The following IL1RAPL2 variants were observed in gnomAD, a reference collection of about 807,000 sequenced individuals.
The protein encoded by IL1RAPL2 is X-linked interleukin-1 receptor accessory protein-like 2.
IL1RAPL2 carries 3 observed loss-of-function variants against 44.1 expected under a neutral mutation model. The observed-to-expected ratio is 0.07, with a 90% confidence interval of 0.03 to 0.18. The LOEUF (loss-of-function observed/expected upper bound fraction) is 0.18, where lower values mean the gene tolerates loss of function less well. Among genes scored for constraint, IL1RAPL2 ranks in the 10% least tolerant of loss-of-function variants. The pLI, the probability that IL1RAPL2 is intolerant of heterozygous loss-of-function variation, is 1.00. For missense variants in IL1RAPL2, 391 were observed against 496.4 expected, an observed-to-expected ratio of 0.79 and a Z score of 2.02; for synonymous variants, 181 against 178.8, an observed-to-expected ratio of 1.01 and a Z score of -0.10.
chrX:104,596,854 A>AT (rs758787111), intron 1 of IL1RAPL2, among the ~76,000 whole-genome samples: 7 of 111,553 alleles, frequency 6.3e-5, no homozygotes, highest in Non-Finnish European at 1.3e-4. Context: ...ACAGGCTAGT[A>AT]TTAGAAAACA....
chrX:105,606,742 C>T (rs761080605), intron 6 of IL1RAPL2, among the ~76,000 whole-genome samples: 2 of 111,286 alleles, frequency 1.8e-5, no homozygotes, highest in South Asian at 3.7e-4. Flanking sequence ...TTGTCATTTG[C>T]GGCTACATGG....
At chrX:104,815,444 A>G (rs1255317068) in intron 2 of IL1RAPL2, among the ~76,000 whole-genome samples, 1 of 111,356 alleles carries the variant, frequency 9.0e-6, no homozygotes, top group Non-Finnish European at 1.9e-5. Context: ...CTAACTCTGG[A>G]CAAACTCTGG....
At chrX:105,555,564 C>T (rs1276647437) in intron 6 of IL1RAPL2, among the ~76,000 whole-genome samples, 1 of 111,827 alleles carries the variant, frequency 8.9e-6, no homozygotes, top group Non-Finnish European at 1.9e-5. Context: ...GAGTTGGCTT[C>T]CCCCTATGTC....
Position 104,943,088 on chromosome X carries a change from C to T in IL1RAPL2, c.83-252387C>T, listed in dbSNP as rs761120811. 5.4e-5 allele frequency among the ~76,000 whole-genome samples: 6 copies of T among 111,182 alleles called. No individual in the cohort carries two copies. In the South Asian group the frequency reaches 1.9e-3, roughly 36 times the overall value. ...AAGCTTTTTGATGTGCTGCTGGATT[C>T]GGTTTGCCAGTATTTTATTGAGGAT... On this transcript the variant is annotated intron_variant, in intron 2 of 10. Coordinates refer to ENST00000372582, the MANE Select transcript of IL1RAPL2 (RefSeq NM_017416.2).
intron 2 of IL1RAPL2, among the ~76,000 whole-genome samples, chrX:104,747,361 C>T (rs1049262876): frequency 4.5e-5 from 5 of 111,219 alleles, no homozygotes; most frequent in Non-Finnish European, 9.4e-5. Flanking sequence ...TTGCTTTCCT[C>T]TTTCCTTCAA....
intron 2 of IL1RAPL2, among the ~76,000 whole-genome samples, chrX:104,989,076 A>C (rs2030613256): frequency 8.9e-6 from 1 of 111,776 alleles, no homozygotes; most frequent in Admixed American, 9.5e-5. Flanking sequence ...GCCTGGGGTA[A>C]CCTTTGAGAA....
chrX:105,315,411 T>C (rs1038753622), intron 5 of IL1RAPL2, among the ~76,000 whole-genome samples: 6 of 104,465 alleles, frequency 5.7e-5, no homozygotes, highest in Non-Finnish European at 1.2e-4. Context: ...AGTCACATAA[T>C]TTAGAATTAA....
At chrX:105,308,012 C>A (rs2034764861) in intron 5 of IL1RAPL2, among the ~76,000 whole-genome samples, 1 of 110,055 alleles carries the variant, frequency 9.1e-6, no homozygotes, top group African/African-American at 3.3e-5. Context: ...AGGATCTGGG[C>A]ACTAGATGTC....
chrX:104,791,875 A>G (rs985227816), intron 2 of IL1RAPL2, among the ~76,000 whole-genome samples: 19 of 110,860 alleles, frequency 1.7e-4, no homozygotes, highest in African/African-American at 5.3e-4. Context: ...TTCCTAACTG[A>G]TTTGACTTTG....
rs762391908 is a variant in IL1RAPL2, at chrX:105,267,552, G to A, written c.697+11G>A. On this transcript the variant is annotated intron_variant, in intron 5 of 10. Transcript: ENST00000372582. ...AATTGAAAGTTACAGGTAGGAATCA[G>A]TTCTACAAAATTACGGCAAATGAGA... The A allele has an allele frequency of 8.7e-7, 1 of 1,152,194 alleles. No homozygotes were observed. The highest frequency in any genetic ancestry group is 1.2e-6 in the Non-Finnish European group (1 of 861,122). The allele number at this position is 1,152,194 out of a possible 1,213,427, so 95.0% of individuals were successfully genotyped here. A position where few individuals can be genotyped will look rare whatever the true frequency, so the allele number is the denominator to read the frequency against.
At chrX:105,012,643 T>TCA (rs1191223168) in intron 2 of IL1RAPL2, among the ~76,000 whole-genome samples, 1 of 61,333 alleles carries the variant, frequency 1.6e-5, no homozygotes, top group East Asian at 6.9e-4. Flanking sequence ...TCTCTCTCTC[T>TCA]CTCACACACA....
At chrX:105,064,601 G>C (rs1282969264) in intron 2 of IL1RAPL2, among the ~76,000 whole-genome samples, 3 of 112,104 alleles carry the variant, frequency 2.7e-5, no homozygotes, top group Non-Finnish European at 3.8e-5. Context: ...CAACATAGTT[G>C]ATTAACACAT....
At chrX:104,919,631 A>G (rs1197496482) in intron 2 of IL1RAPL2, among the ~76,000 whole-genome samples, 3 of 105,713 alleles carry the variant, frequency 2.8e-5, no homozygotes, top group Middle Eastern at 5.1e-3. Context: ...CCTGGGTTCA[A>G]GTGATTCTCC....
intron 3 of IL1RAPL2, among the ~76,000 whole-genome samples, chrX:105,233,055 G>A (rs1053563792): frequency 1.8e-5 from 2 of 111,858 alleles, no homozygotes; most frequent in African/African-American, 6.5e-5. Flanking sequence ...AGGCCGAGGC[G>A]GGCGGATCAC....
chrX:105,522,327 A>G (rs2036565402), intron 6 of IL1RAPL2, among the ~76,000 whole-genome samples: 1 of 112,643 alleles, frequency 8.9e-6, no homozygotes, highest in African/African-American at 3.2e-5. Flanking sequence ...TTTAGTTATC[A>G]GAATGAATTT....
intron 4 of IL1RAPL2, among the ~76,000 whole-genome samples, chrX:105,244,138 A>G (rs1446602113): frequency 1.1e-4 from 12 of 111,083 alleles, no homozygotes; most frequent in African/African-American, 2.9e-4. Context: ...TGCGATTTCA[A>G]TAAGACTTTG....
chrX:104,779,654 C>A (rs1932759911), intron 2 of IL1RAPL2, among the ~76,000 whole-genome samples: 1 of 111,791 alleles, frequency 8.9e-6, no homozygotes. Context: ...TTATTATCAT[C>A]TCCATTTTAA....
At chrX:105,056,556 T>C (rs1254889230) in intron 2 of IL1RAPL2, among the ~76,000 whole-genome samples, 1 of 111,690 alleles carries the variant, frequency 9.0e-6, no homozygotes, top group Non-Finnish European at 1.9e-5. Context: ...CACAGAGAAC[T>C]CACCATTACC....
At chrX:104,717,504 T>C (rs1420184929) in intron 2 of IL1RAPL2, among the ~76,000 whole-genome samples, 2 of 108,791 alleles carry the variant, frequency 1.8e-5, no homozygotes, top group Non-Finnish European at 3.8e-5. Context: ...TATCCAAGGG[T>C]TCATACAAAA....
Sources: allele counts gnomAD v4.1 joint callset (sites outside exome capture counted in the v4.1 genomes callset), GRCh38; gene constraint gnomAD v4.1.1; transcripts MANE v1.5; gene names NCBI Gene and HGNC (gene_info 2026-07-23, HGNC 2026-07-21).